The following RANBP2 variants were observed in gnomAD, a reference collection of about 807,000 sequenced individuals.
RANBP2 encodes E3 SUMO-protein ligase RanBP2.
In RANBP2, 57 loss-of-function variants were observed where a neutral mutation model predicts 303.6. The ratio of observed to expected loss-of-function variants is 0.19; its 90% CI spans 0.15 to 0.23. RANBP2 has a LOEUF of 0.23. RANBP2 is among the 10% of genes least tolerant of loss of function. The pLI is 1.00. For missense variants in RANBP2, 3,138 were observed against 3,780.8 expected (o/e 0.83, Z 4.46); for synonymous variants, 1,167 against 1,301.5 (o/e 0.90, Z 2.23).
At chr2:108,728,602 A>G (rs868142420) in intron 1 of RANBP2, among the ~76,000 whole-genome samples, 3 of 127,068 alleles carry the variant, frequency 2.4e-5, no homozygotes, top group African/African-American at 9.0e-5. Flanking sequence ...ATTTATGATG[A>G]TGATGATGAT....
the RANBP2 span, among the ~76,000 whole-genome samples, chr2:109,447,013 T>C: frequency 6.6e-6 from 1 of 151,882 alleles, no homozygotes; most frequent in Non-Finnish European, 1.5e-5. Context: ...GAGTCAGGGT[T>C]TCCAGGGTGA....
the RANBP2 span, among the ~76,000 whole-genome samples, chr2:109,207,475 T>A: frequency 6.6e-6 from 1 of 152,240 alleles, no homozygotes; most frequent in African/African-American, 2.4e-5. Flanking sequence ...TATGTAATAA[T>A]GTTATGCAGC....
the RANBP2 span, among the ~76,000 whole-genome samples, chr2:109,519,316 A>C: frequency 6.6e-6 from 1 of 152,162 alleles, no homozygotes; most frequent in African/African-American, 2.4e-5. Context: ...AACTGCCCCC[A>C]TGATCCAATC....
the RANBP2 span, among the ~76,000 whole-genome samples, chr2:109,078,338 T>C: frequency 7.3e-6 from 1 of 137,818 alleles, no homozygotes; most frequent in Non-Finnish European, 1.6e-5. Context: ...TTATTCAGCC[T>C]TAAAAAAGAA....
At chr2:109,574,275 C>CAA in the RANBP2 span, among the ~76,000 whole-genome samples, 3 of 131,076 alleles carry the variant, frequency 2.3e-5, no homozygotes, top group South Asian at 2.4e-4. Context: ...TCCAACTCCA[C>CAA]AAAAAAAAAA....
At chr2:108,774,881 G>A (rs1677767260) in intron 23 of RANBP2, among the ~76,000 whole-genome samples, 1 of 151,864 alleles carries the variant, frequency 6.6e-6, no homozygotes, top group Non-Finnish European at 1.5e-5. Context: ...TAGTAGAGAC[G>A]GGGTTTCACC....
chr2:109,647,428 C>T, the RANBP2 span, among the ~76,000 whole-genome samples: 1 of 152,018 alleles, frequency 6.6e-6, no homozygotes, highest in African/African-American at 2.4e-5. Flanking sequence ...TCCCAAAGTG[C>T]TGGGATTACA....
the RANBP2 span, among the ~76,000 whole-genome samples, chr2:109,349,627 C>T: frequency 6.6e-6 from 1 of 152,214 alleles, no homozygotes; most frequent in Non-Finnish European, 1.5e-5. Flanking sequence ...CATAATGGCT[C>T]TAGGCTTCTC....
At chr2:109,763,060 C>T in the RANBP2 span, among the ~76,000 whole-genome samples, 6 of 149,806 alleles carry the variant, frequency 4.0e-5, no homozygotes, top group Non-Finnish European at 7.4e-5. Flanking sequence ...TTCTGTGTGT[C>T]CAGTATTTTC....
the RANBP2 span, among the ~76,000 whole-genome samples, chr2:109,090,790 AT>A: frequency 7.9e-5 from 12 of 152,188 alleles, no homozygotes; most frequent in Non-Finnish European, 1.5e-4. Context: ...TCAAATAATA[AT>A]TTTTTTAGAT....
At chr2:109,300,105 G>C in the RANBP2 span, among the ~76,000 whole-genome samples, 1 of 152,182 alleles carries the variant, frequency 6.6e-6, no homozygotes, top group Non-Finnish European at 1.5e-5. Context: ...AAGAGAGGTG[G>C]ACATTTGATG....
the RANBP2 span, chr2:109,546,057 G>A: frequency 1.1e-5 from 18 of 1,575,574 alleles, no homozygotes; most frequent in South Asian, 2.3e-5. Flanking sequence ...TACTTCTTAC[G>A]GTCCTTGTCC....
chr2:109,606,420 CAAAAAAT>C, the RANBP2 span, among the ~76,000 whole-genome samples: 4 of 151,814 alleles, frequency 2.6e-5, no homozygotes, highest in African/African-American at 4.8e-5. Flanking sequence ...TCTCAAAAAA[CAAAAAAT>C]AAAAAATAAA....
At chr2:108,947,722 C>T in the RANBP2 span, among the ~76,000 whole-genome samples, 1 of 152,150 alleles carries the variant, frequency 6.6e-6, no homozygotes, top group Non-Finnish European at 1.5e-5. Context: ...ATGCCAAGTC[C>T]TGGGGCTGCA....
the RANBP2 span, chr2:108,884,947 T>C: frequency 6.6e-6 from 1 of 152,254 alleles, no homozygotes; most frequent in African/African-American, 2.4e-5. Flanking sequence ...GCTTCTGGAA[T>C]TTCCCTGTCT....
At chr2:109,253,939 G>T in the RANBP2 span, among the ~76,000 whole-genome samples, 1 of 152,014 alleles carries the variant, frequency 6.6e-6, no homozygotes, top group East Asian at 2.0e-4. Flanking sequence ...CCCTTCCACA[G>T]CTCTTAAGGC....
the RANBP2 span, among the ~76,000 whole-genome samples, chr2:109,672,671 A>G: frequency 6.6e-6 from 1 of 152,216 alleles, no homozygotes; most frequent in Non-Finnish European, 1.5e-5. Flanking sequence ...CAAGTAATCT[A>G]TATTGTATCA....
chr2:109,417,387 T>G, the RANBP2 span, among the ~76,000 whole-genome samples: 1 of 152,094 alleles, frequency 6.6e-6, no homozygotes, highest in East Asian at 1.9e-4. Context: ...CTTCCCTGTC[T>G]CCCTTCATGG....
chr2:108,788,780 C>A (rs1330390850), downstream of RANBP2: 4 of 1,588,976 alleles, frequency 2.5e-6, no homozygotes, highest in Non-Finnish European at 2.6e-6. Context: ...ATTATTTAGA[C>A]TTATGGCCAG....
Sources: gnomAD v4.1 joint callset for allele counts (sites outside exome capture counted in the v4.1 genomes callset) on GRCh38, gnomAD v4.1.1 for gene constraint, MANE v1.5 for transcripts, NCBI Gene and HGNC (gene_info 2026-07-23, HGNC 2026-07-21) for gene names.